Variants in AADACL2 observed in about 807,000 individuals in gnomAD.
The protein encoded by AADACL2 is arylacetamide deacetylase like 2.
AADACL2 carries 23 observed loss-of-function variants against 22.3 expected under a neutral mutation model. That is an observed-to-expected ratio of 1.03 (90% CI 0.74 to 1.46). The LOEUF (loss-of-function observed/expected upper bound fraction) is 1.46, where lower values mean the gene tolerates loss of function less well. Among genes scored for constraint, AADACL2 ranks in the 40% most tolerant of loss-of-function variants. The probability of loss-of-function intolerance (pLI) is 0.00; values close to 1 mark genes in which losing one functional copy is unlikely to be tolerated. For synonymous variants in AADACL2, 177 were observed against 166.2 expected (o/e 1.07, Z -0.50); for missense variants, 472 against 482.9 (o/e 0.98, Z 0.21).
At chr3:151,753,349 T>G (rs977547) in intron 4 of AADACL2, among the ~76,000 whole-genome samples, 32,852 of 151,958 alleles carry the variant, frequency 0.22, 3,983 homozygotes, top group African/African-American at 0.33. Flanking sequence ...AGGGGAAGAA[T>G]AAAGATCAGG....
chr3:151,734,747 A>C (rs1028756479), intron 1 of AADACL2, among the ~76,000 whole-genome samples: 1 of 152,194 alleles, frequency 6.6e-6, no homozygotes, highest in Non-Finnish European at 1.5e-5. Flanking sequence ...TGAGTTCTTA[A>C]GTTGTATAGG....
chr3:151,748,359 T>C (rs1713529940), intron 4 of AADACL2, among the ~76,000 whole-genome samples: 1 of 150,998 alleles, frequency 6.6e-6, no homozygotes, highest in South Asian at 2.1e-4. Flanking sequence ...TCAACATTAT[T>C]TATTGAAAAG....
At chr3:151,736,689 T>TTA (rs1713099876) in intron 1 of AADACL2, among the ~76,000 whole-genome samples, 1 of 152,166 alleles carries the variant, frequency 6.6e-6, no homozygotes, top group African/African-American at 2.4e-5. Flanking sequence ...ATTTCATGGC[T>TTA]TATATGTGCC....
At position 151,758,810 on chromosome 3, in the gene AADACL2, G is replaced by A; in HGVS notation, c.*1216G>A. 1 of 152,004 alleles carries A rather than the reference G, an allele frequency of 6.6e-6. No individual in the cohort carries two copies. The highest frequency in any genetic ancestry group is 1.5e-5 in the Non-Finnish European group (1 of 67,950). The allele number at this position is 152,004 out of a possible 1,614,324, so 9.4% of individuals were successfully genotyped here. Reference sequence around the variant, plus strand: ...ATCCAACTAAGAAGTTAAAAATGTAGTAAGAAATGTGTATATGTATGAGTA... The same window carrying A: ...ATCCAACTAAGAAGTTAAAAATGTAATAAGAAATGTGTATATGTATGAGTA... On this transcript the variant is annotated 3_prime_UTR_variant, in exon 5 of 5. Coordinates refer to ENST00000356517, the MANE Select transcript of AADACL2 (RefSeq NM_207365.4).
At chr3:151,747,076 G>GT (rs915936053) in intron 4 of AADACL2, among the ~76,000 whole-genome samples, 13 of 151,464 alleles carry the variant, frequency 8.6e-5, no homozygotes, top group East Asian at 3.9e-4. Context: ...CTTATTTTCT[G>GT]TTTTTTTCTC....
In AADACL2 at chr3:151,761,180, T is replaced by C. The variant is rs1714137362; in HGVS notation, c.*3586T>C. 8.7e-6 allele frequency: 1 copy of C among 115,240 alleles called. No homozygotes were observed. 7.1% of individuals were successfully genotyped at this position (115,240 alleles called of 1,614,324 possible). On this transcript the variant is annotated 3_prime_UTR_variant, in exon 5 of 5. Transcript: ENST00000356517. ...ATATGGTGAGATATATATTTATATA[T>C]ATGGTGAGATATATACATATTGTGA... is the stretch of plus-strand genomic sequence containing the variant.
chr3:151,737,266 G>A (rs1713117141), intron 1 of AADACL2, among the ~76,000 whole-genome samples: 1 of 151,978 alleles, frequency 6.6e-6, no homozygotes, highest in Admixed American at 6.6e-5. Context: ...GTAGTTCTGA[G>A]ATTTTGAGTG....
chr3:151,758,877 A>G lies in AADACL2; in HGVS notation c.*1283A>G, dbSNP rs541727997. 6.6e-6 allele frequency: 1 copy of G among 152,252 alleles called. No individual in the cohort carries two copies. The highest frequency in any genetic ancestry group is 2.4e-5 in the African/African-American group (1 of 41,574). The allele number at this position is 152,252 out of a possible 1,614,324, so 9.4% of individuals were successfully genotyped here. On this transcript the variant is annotated 3_prime_UTR_variant, in exon 5 of 5. Transcript: ENST00000356517. ...AAAAATCTACCATCCAATTGACCCA[A>G]AAACAACTTACTCAGTTGGGACCAG...
chr3:151,747,245 A>G (rs898777417), intron 4 of AADACL2, among the ~76,000 whole-genome samples: 2 of 152,114 alleles, frequency 1.3e-5, no homozygotes, highest in African/African-American at 2.4e-5. Flanking sequence ...TTTTTTCTCT[A>G]TGGTGAGCAT....
intron 4 of AADACL2, among the ~76,000 whole-genome samples, chr3:151,747,585 T>G (rs753593608): frequency 6.6e-6 from 1 of 151,926 alleles, no homozygotes; most frequent in Non-Finnish European, 1.5e-5. Context: ...TTTTCTTCTT[T>G]CTGGAGGCTG....
intron 4 of AADACL2, among the ~76,000 whole-genome samples, chr3:151,746,244 GAATTTGT>G (rs1713440086): frequency 6.6e-6 from 1 of 151,550 alleles, no homozygotes; most frequent in South Asian, 2.1e-4. Context: ...GAACATATTG[GAATTTGT>G]AATTTGTAAT....
rs748906523 is a variant in AADACL2, at chr3:151,740,848, G to GT, written c.346dup (p.Cys116LeufsTer11). On this transcript the variant is annotated frameshift_variant, in exon 2 of 5. Transcript: ENST00000356517. LOFTEE classifies it high-confidence loss of function. Reference sequence around the variant, plus strand: ...GCTGTGATATATTTTCATGGTGGTGGTTTTTGTTTTGGAAGTTCCAGTAAG... The same window carrying GT: ...GCTGTGATATATTTTCATGGTGGTGGTTTTTTGTTTTGGAAGTTCCAGTAAG... 67 of 1,613,812 alleles carry GT rather than the reference G, an allele frequency of 4.2e-5. No individual in the cohort carries two copies. Among genetic ancestry groups the GT allele is most frequent in the African/African-American group, 5.3e-5 (4 of 74,910 alleles).
chr3:151,757,513 A>G lies in AADACL2; in HGVS notation c.1125A>G (p.Ser375=), dbSNP rs765573928. 5.0e-6 allele frequency: 8 copies of G among 1,613,584 alleles called. No homozygotes were observed. The South Asian group carries it at 8.8e-5, about 18-fold the overall frequency. The change falls in exon 5 of 5, where the codon TCA becomes TCG. Residue 375 remains serine (S), a synonymous_variant. Transcript: ENST00000356517. ...AGGATGGAATTCATGGAGCTTTATCATTCATGACTTCACCATTTTATTTAC... is the reference window on the plus strand; with the variant it reads ...AGGATGGAATTCATGGAGCTTTATCGTTCATGACTTCACCATTTTATTTAC... ...HIEDGIHGAL[S]FMTSPFYLRL... is the part of the protein sequence containing the mutation.
chr3:151,734,223 C>T, intron 1 of AADACL2, 50 bp downstream of exon 1: 1 of 1,581,338 alleles, frequency 6.3e-7, no homozygotes, highest in Non-Finnish European at 8.6e-7. Context: ...GACTTATTGA[C>T]TAAAAATGGG....
intron 4 of AADACL2, 28 bp from the exon 5 acceptor site, chr3:151,756,964 A>G (rs975189839): frequency 9.1e-6 from 14 of 1,535,936 alleles, no homozygotes; most frequent in Non-Finnish European, 1.1e-5. Context: ...AAATGTTTGC[A>G]TTACAGAATA....
Position 151,757,228 on chromosome 3 carries a change from T to C in AADACL2, c.840T>C (p.Phe280=). The change falls in exon 5 of 5, where the codon TTT becomes TTC. Residue 280 remains phenylalanine, a synonymous_variant. Transcript: ENST00000356517. The stretch of plus-strand genomic sequence containing the variant: ...TGGAGTCAAGACATCTGTTTAAGTT[T>C]GTTAACTGGAGTATTCTTCTTCCTG... The part of the protein sequence containing the change: ...MPLESRHLFK[F]VNWSILLPEK... 6.2e-7 allele frequency: 1 copy of C among 1,613,736 alleles called. No homozygotes were observed. Among genetic ancestry groups the C allele is most frequent in the African/African-American group, 1.3e-5 (1 of 75,042 alleles).
Position 151,742,372 on chromosome 3 carries a change from G to A in AADACL2, c.361+1504G>A, listed in dbSNP as rs1409469005. Among the ~76,000 whole-genome samples the A allele has an allele frequency of 2.0e-5, 3 of 152,240 alleles. No homozygotes were observed. The East Asian group carries it at 5.8e-4, about 29-fold the overall frequency. ...ATGGAATAAAAGAAACAAGACCAGA[G>A]AGATTATATCAGCAAATATTCTATG... On this transcript the variant is annotated intron_variant, in intron 2 of 4. Transcript: ENST00000356517.
At chr3:151,734,452 G>A (rs1229349737) in intron 1 of AADACL2, among the ~76,000 whole-genome samples, 1 of 152,114 alleles carries the variant, frequency 6.6e-6, no homozygotes, top group Non-Finnish European at 1.5e-5. Context: ...ATTGCTAAAG[G>A]AAAAGGCTTT....
chr3:151,742,275 GT>G (rs11305415), intron 2 of AADACL2, among the ~76,000 whole-genome samples: 48,594 of 151,420 alleles, frequency 0.32, 8,082 homozygotes, highest in East Asian at 0.55. Flanking sequence ...ATATCTTTTT[GT>G]TTTTCAACAT....
Sources: gnomAD v4.1 joint callset for allele counts (sites outside exome capture counted in the v4.1 genomes callset) on GRCh38, gnomAD v4.1.1 for gene constraint, MANE v1.5 for transcripts, NCBI Gene and HGNC (gene_info 2026-07-23, HGNC 2026-07-21) for gene names.